PTCHD1: variants seen among roughly 807,000 people sequenced by gnomAD.
The protein encoded by PTCHD1 is patched domain containing 1.
A neutral mutation model predicts 34.6 loss-of-function variants in PTCHD1; 3 were observed. The ratio of observed to expected loss-of-function variants is 0.09; its 90% CI spans 0.04 to 0.22. The LOEUF (loss-of-function observed/expected upper bound fraction) is 0.22. Among genes scored for constraint, PTCHD1 ranks in the 10% least tolerant of loss-of-function variants. The probability of loss-of-function intolerance (pLI) is 1.00; values close to 1 mark genes in which losing one functional copy is unlikely to be tolerated. For missense variants in PTCHD1, 504 were observed against 685.5 expected, an observed-to-expected ratio of 0.74 and a Z score of 2.96; for synonymous variants, 305 against 283.1, an observed-to-expected ratio of 1.08 and a Z score of -0.77.
intron 1 of PTCHD1, among the ~76,000 whole-genome samples, chrX:23,337,519 T>G (rs985188260): frequency 3.8e-5 from 4 of 106,445 alleles, no homozygotes; most frequent in African/African-American, 1.3e-4. Context: ...AGTGAGCACT[T>G]TTTTTTTTTT....
intron 2 of PTCHD1, among the ~76,000 whole-genome samples, chrX:23,390,068 T>C (rs1245839056): frequency 8.9e-6 from 1 of 112,075 alleles, no homozygotes; most frequent in East Asian, 2.8e-4. Flanking sequence ...TTTCCAAAAA[T>C]CAGGGTCAGA....
chrX:23,392,074 C>CT (rs763041195), intron 2 of PTCHD1, among the ~76,000 whole-genome samples: 765 of 52,277 alleles, frequency 0.015, 52 homozygotes, highest in Middle Eastern at 0.037. Context: ...TTCTTTCTTT[C>CT]TTTTTTTTTT....
intron 1 of PTCHD1, among the ~76,000 whole-genome samples, chrX:23,362,020 C>G (rs1327428250): frequency 8.9e-6 from 1 of 112,585 alleles, no homozygotes; most frequent in African/African-American, 3.2e-5. Flanking sequence ...GAGAGATCCG[C>G]TGATAGTCTG....
intron 1 of PTCHD1, among the ~76,000 whole-genome samples, chrX:23,360,014 G>C (rs1445489230): frequency 2.7e-5 from 3 of 111,804 alleles, no homozygotes; most frequent in Non-Finnish European, 5.6e-5. Flanking sequence ...TGATTGTGGT[G>C]GATAACCTTT....
intron 1 of PTCHD1, among the ~76,000 whole-genome samples, chrX:23,342,712 T>C (rs1921375103): frequency 9.0e-6 from 1 of 110,937 alleles, no homozygotes; most frequent in South Asian, 3.9e-4. Context: ...ACATATTCAT[T>C]CTCACCTTTA....
chrX:23,348,633 G>C (rs920146467), intron 1 of PTCHD1, among the ~76,000 whole-genome samples: 3 of 110,484 alleles, frequency 2.7e-5, no homozygotes, highest in Non-Finnish European at 5.7e-5. Flanking sequence ...AGAAGAGAAT[G>C]AAGATAAATA....
rs1011951787 is a variant in PTCHD1 at position 23,334,945 on chromosome X, C to A, written c.70C>A (p.His24Asn). Residue 24 changes from histidine (H) to asparagine (N), a missense_variant, in exon 1 of 3, where the codon CAC (histidine) becomes AAC (asparagine). His to Asn is a moderately conservative substitution (Grantham distance 68). Transcript: ENST00000379361. Reference protein sequence around the residue: ...FSRLGHFIASHPVFFASAPVL... With the variant: ...FSRLGHFIASNPVFFASAPVL... Reference sequence around the variant, plus strand: ...CCGGCTCGGCCACTTCATTGCCAGTCACCCTGTCTTCTTCGCCTCGGCGCC... The same window carrying A: ...CCGGCTCGGCCACTTCATTGCCAGTAACCCTGTCTTCTTCGCCTCGGCGCC... The A allele has an allele frequency of 6.6e-6, 8 of 1,207,463 alleles. No individual in the cohort carries two copies. Among genetic ancestry groups the A allele is most frequent in the Non-Finnish European group, 9.0e-6 (8 of 893,547 alleles).
chrX:23,348,535 C>T (rs1469103081), intron 1 of PTCHD1, among the ~76,000 whole-genome samples: 2 of 110,680 alleles, frequency 1.8e-5, no homozygotes, highest in Non-Finnish European at 3.8e-5. Context: ...AAGAGGAAAT[C>T]TTGAAAGAAG....
chrX:23,389,633 C>A (rs1000953992), intron 2 of PTCHD1, among the ~76,000 whole-genome samples: 3 of 111,947 alleles, frequency 2.7e-5, no homozygotes, highest in East Asian at 2.8e-4. Context: ...CAACTAGCAA[C>A]AAATGCTGAG....
At chrX:23,360,733 G>C (rs936108015) in intron 1 of PTCHD1, among the ~76,000 whole-genome samples, 2 of 111,510 alleles carry the variant, frequency 1.8e-5, no homozygotes, top group African/African-American at 3.3e-5. Flanking sequence ...TCTTTTAATT[G>C]TGATGTTAGG....
In PTCHD1 at chrX:23,394,025, T is replaced by G; in HGVS notation, c.2507T>G (p.Phe836Cys). The change falls in exon 3 of 3, where the codon TTT (phenylalanine) becomes TGT (cysteine). Residue 836 changes from phenylalanine (F) to cysteine (C), a missense_variant. By Grantham distance (205) the Phe-to-Cys change is radical (BLOSUM62 -2). Transcript: ENST00000379361. ...CLFLIAFVTF[F>C]HCFAILPVIL... ...TTTTTAATAGCATTTGTCACCTTCT[T>G]TCACTGCTTTGCCATTTTACCTGTG... 1 of 1,210,775 alleles carries G rather than the reference T, an allele frequency of 8.3e-7. No homozygotes were observed. The highest frequency in any genetic ancestry group is 1.1e-6 in the Non-Finnish European group (1 of 895,154).
At chrX:23,374,684 A>T (rs1452110838) in intron 1 of PTCHD1, among the ~76,000 whole-genome samples, 3 of 110,874 alleles carry the variant, frequency 2.7e-5, no homozygotes, top group Admixed American at 9.6e-5. Context: ...GATTGCCCTG[A>T]AAAAGAACTT....
chrX:23,334,771 C>T, upstream of PTCHD1: 1 of 219,716 alleles, frequency 4.6e-6, no homozygotes, highest in African/African-American at 3.2e-5. Context: ...GCCGTCGCCG[C>T]CGCCGCGGGC....
intron 1 of PTCHD1, among the ~76,000 whole-genome samples, chrX:23,369,455 G>A (rs755029560): frequency 9.0e-6 from 1 of 111,429 alleles, no homozygotes; most frequent in East Asian, 2.8e-4. Context: ...ACTCTCATTA[G>A]GGGACAATTT....
intron 1 of PTCHD1, among the ~76,000 whole-genome samples, chrX:23,337,857 G>A (rs1464101294): frequency 9.0e-6 from 1 of 110,645 alleles, no homozygotes; most frequent in Non-Finnish European, 1.9e-5. Context: ...TCCTCTTAAT[G>A]TTTTGGGATT....
chrX:23,381,127 C>CT (rs34091499), intron 2 of PTCHD1, among the ~76,000 whole-genome samples: 47,232 of 111,040 alleles, frequency 0.43, 9,007 homozygotes, highest in Non-Finnish European at 0.59. Flanking sequence ...TAGGAAGTAA[C>CT]TTTTTTTCCT....
In PTCHD1 at chrX:23,363,469, A is replaced by T. The variant is rs1433907737; in HGVS notation, c.352-16122A>T. On this transcript the variant is annotated intron_variant, in intron 1 of 2. Coordinates refer to ENST00000379361, the MANE Select transcript of PTCHD1 (RefSeq NM_173495.3). ...TGGGACCTGCCGAACCAGGCGTGAGATATAATCTCCTGGTGTGCCATTTGC... is the reference window on the plus strand; with the variant it reads ...TGGGACCTGCCGAACCAGGCGTGAGTTATAATCTCCTGGTGTGCCATTTGC... Among the ~76,000 whole-genome samples the T allele has an allele frequency of 2.7e-5, 3 of 113,042 alleles. No individual in the cohort carries two copies. In the East Asian group the frequency reaches 8.3e-4, roughly 31 times the overall value.
In PTCHD1 at chrX:23,393,596, C is replaced by A. The variant is rs748153526; in HGVS notation, c.2078C>A (p.Ala693Asp). Residue 693 changes from alanine to aspartate, a missense_variant, in exon 3 of 3, where the codon GCC becomes GAC. Transcript: ENST00000379361. ...TCCTTTGTATACATGGATCGATATG[C>A]CTCCTCTCTGGGAGCCCCCCTGCAC... ...NPSFVYMDRY[A>D]SSLGAPLHNS... The A allele has an allele frequency of 8.3e-7, 1 of 1,208,795 alleles. No homozygotes were observed. Among genetic ancestry groups the A allele is most frequent in the Non-Finnish European group, 1.1e-6 (1 of 894,304 alleles).
At chrX:23,392,352 C>T (rs1922860078) in intron 2 of PTCHD1, among the ~76,000 whole-genome samples, 179 bp from the exon 3 acceptor site, 3 of 111,104 alleles carry the variant, frequency 2.7e-5, no homozygotes, top group African/African-American at 9.8e-5. Context: ...TTAACATTTA[C>T]GATTCATAAA....
Sources: allele counts gnomAD v4.1 joint callset (sites outside exome capture counted in the v4.1 genomes callset), GRCh38; gene constraint gnomAD v4.1.1; transcripts MANE v1.5; gene names NCBI Gene and HGNC (gene_info 2026-07-23, HGNC 2026-07-21).